Variants in XXYLT1 observed in about 807,000 individuals in gnomAD.
The protein encoded by XXYLT1 is xyloside xylosyltransferase 1.
A neutral mutation model predicts 28.9 loss-of-function variants in XXYLT1; 20 were observed. The observed-to-expected ratio is 0.69, with a 90% CI of 0.49 to 1.00. The LOEUF is 1.00. XXYLT1 is among the 50% of genes least tolerant of loss of function. The pLI, the probability that XXYLT1 is intolerant of heterozygous loss-of-function variation, is 0.00. For missense variants in XXYLT1, 542 were observed against 560.1 expected (o/e 0.97, Z 0.33); for synonymous variants, 257 against 253.8 (o/e 1.01, Z -0.12).
At chr3:195,140,497 A>G (rs1560115283) in intron 3 of XXYLT1, among the ~76,000 whole-genome samples, 1 of 152,202 alleles carries the variant, frequency 6.6e-6, no homozygotes, top group Admixed American at 6.5e-5. Flanking sequence ...GATTGGGTTG[A>G]TTTATGTAGA....
intron 3 of XXYLT1, among the ~76,000 whole-genome samples, chr3:195,126,295 C>A (rs1026182823): frequency 6.6e-5 from 10 of 152,208 alleles, no homozygotes; most frequent in African/African-American, 2.2e-4. Context: ...GTGGGGTATT[C>A]GTTACCGCAC....
At chr3:195,097,826 C>T (rs1203220651) in intron 3 of XXYLT1, among the ~76,000 whole-genome samples, 1 of 151,958 alleles carries the variant, frequency 6.6e-6, no homozygotes. Flanking sequence ...CACCCCCCCA[C>T]CACGCACACA....
rs1038832669 is a variant in XXYLT1, at chr3:195,077,225, G to C, written c.786-7114C>G. 1.2e-4 allele frequency among the ~76,000 whole-genome samples: 18 copies of C among 152,166 alleles called. No homozygotes were observed. Among genetic ancestry groups the C allele is most frequent in the Admixed American group, 6.5e-5 (1 of 15,282 alleles). ...CTGGGGAAGGGAAAAGCAGAGGGAT[G>C]GGAGATGATGTAGGGGGCGGCACGG... On this transcript the variant is annotated intron_variant, in intron 3 of 3. Transcript: ENST00000310380. The surrounding 1 kb of genome is among the most constrained non-coding windows in gnomAD (Gnocchi z 4.8).
At chr3:195,112,894 C>T (rs67525872) in intron 3 of XXYLT1, among the ~76,000 whole-genome samples, 75,062 of 151,024 alleles carry the variant, frequency 0.5, 20,014 homozygotes, top group Middle Eastern at 0.65. Context: ...CACATACACG[C>T]AGCCCCCAGC....
chr3:195,103,388 C>CACCA (rs1716908138), intron 3 of XXYLT1, among the ~76,000 whole-genome samples: 6 of 148,562 alleles, frequency 4.0e-5, no homozygotes, highest in African/African-American at 1.6e-4. Flanking sequence ...CATCACCCCA[C>CACCA]GCCAGCGGCC....
At position 195,109,739 on chromosome 3, in the gene XXYLT1, G is replaced by A. The variant is rs1326452460; in HGVS notation, c.786-39628C>T. ...ATGAGTGTGCGTGTGTGTGGTGTAT[G>A]TGTTCAGGTATGTATGTGAGTGTGG... is the stretch of plus-strand genomic sequence containing the variant. On this transcript the variant is annotated intron_variant, in intron 3 of 3. Transcript: ENST00000310380. 7.8e-5 allele frequency among the ~76,000 whole-genome samples: 5 copies of A among 64,092 alleles called. 2 individuals are homozygous for A. The highest frequency in any genetic ancestry group is 1.7e-4 in the Admixed American group (1 of 5,780). 42.0% of individuals were successfully genotyped at this position (64,092 alleles called of 152,430 possible). A position where few individuals can be genotyped will look rare whatever the true frequency, so the allele number is the denominator to read the frequency against.
At chr3:195,224,634 T>G (rs1723970611) in intron 2 of XXYLT1, among the ~76,000 whole-genome samples, 1 of 152,110 alleles carries the variant, frequency 6.6e-6, no homozygotes, top group African/African-American at 2.4e-5. Flanking sequence ...AGCCCAGAGT[T>G]GAGCACGCAA....
At chr3:195,142,053 A>G (rs1719520932) in intron 3 of XXYLT1, among the ~76,000 whole-genome samples, 1 of 152,208 alleles carries the variant, frequency 6.6e-6, no homozygotes, top group Non-Finnish European at 1.5e-5. Flanking sequence ...TGCTGACCCC[A>G]GCGGTTATTT....
intron 3 of XXYLT1, among the ~76,000 whole-genome samples, chr3:195,110,189 G>GTAGTGT (rs1717461226): frequency 1.6e-5 from 1 of 63,170 alleles, no homozygotes; most frequent in East Asian, 3.3e-4. Flanking sequence ...TGTGTGTGTG[G>GTAGTGT]GTGAGGTGTA....
intron 2 of XXYLT1, among the ~76,000 whole-genome samples, chr3:195,211,498 T>C (rs1165867303): frequency 6.6e-6 from 1 of 152,240 alleles, no homozygotes; most frequent in African/African-American, 2.4e-5. Context: ...ATTCATTTAA[T>C]TCATTTGATG....
intron 3 of XXYLT1, among the ~76,000 whole-genome samples, chr3:195,123,247 C>A (rs762989989): frequency 6.6e-6 from 1 of 151,982 alleles, no homozygotes; most frequent in Admixed American, 6.6e-5. Context: ...AGGGGCCCAC[C>A]ACCTATCCAT....
rs1001515562 is a variant in XXYLT1 at position 195,077,080 on chromosome 3, C to T, written c.786-6969G>A. 6.6e-6 allele frequency among the ~76,000 whole-genome samples: 1 copy of T among 152,144 alleles called. No homozygotes were observed. Among genetic ancestry groups the T allele is most frequent in the African/African-American group, 2.4e-5 (1 of 41,432 alleles). Reference sequence around the variant, plus strand: ...CACTGTCCAGGGACTCAGAGGACACCTGTGGGGCCCAGAACTGCCCTCAGC... The same window carrying T: ...CACTGTCCAGGGACTCAGAGGACACTTGTGGGGCCCAGAACTGCCCTCAGC... On this transcript the variant is annotated intron_variant, in intron 3 of 3. Transcript: ENST00000310380. The surrounding 1 kb of genome is among the most constrained non-coding windows in gnomAD (Gnocchi z 4.8).
intron 3 of XXYLT1, among the ~76,000 whole-genome samples, chr3:195,135,744 G>A (rs2108637689): frequency 6.6e-6 from 1 of 152,318 alleles, no homozygotes; most frequent in Non-Finnish European, 1.5e-5. Flanking sequence ...TTTACTGTGG[G>A]AAAGAGATTT....
At chr3:195,165,531 G>A (rs982146306) in intron 2 of XXYLT1, among the ~76,000 whole-genome samples, 1 of 152,160 alleles carries the variant, frequency 6.6e-6, no homozygotes, top group African/African-American at 2.4e-5. Flanking sequence ...ACAGAAAAAT[G>A]TTTCTCCACT....
At chr3:195,226,657 G>A in intron 2 of XXYLT1, 52 bp downstream of exon 2, 2 of 1,587,416 alleles carry the variant, frequency 1.3e-6, no homozygotes, top group Non-Finnish European at 1.7e-6. Context: ...CCAGGGAAAT[G>A]GATGCAAAAG....
At chr3:195,157,519 T>C (rs990857594) in intron 2 of XXYLT1, among the ~76,000 whole-genome samples, 1 of 152,186 alleles carries the variant, frequency 6.6e-6, no homozygotes, top group Non-Finnish European at 1.5e-5. Flanking sequence ...ACCTAAGAGC[T>C]GCTTCCATCA....
At chr3:195,215,008 G>A (rs922874693) in intron 2 of XXYLT1, 2 of 151,006 alleles carry the variant, frequency 1.3e-5, no homozygotes, top group African/African-American at 4.9e-5. Flanking sequence ...GAGAGTGGGG[G>A]CCAATATTCA....
intron 3 of XXYLT1, among the ~76,000 whole-genome samples, chr3:195,079,967 C>T (rs1715337573): frequency 6.6e-6 from 1 of 152,056 alleles, no homozygotes; most frequent in African/African-American, 2.4e-5. Context: ...GCATCTGATT[C>T]ACAGAAGGGC....
At chr3:195,100,201 C>T (rs1464041552) in intron 3 of XXYLT1, among the ~76,000 whole-genome samples, 1 of 152,102 alleles carries the variant, frequency 6.6e-6, no homozygotes, top group African/African-American at 2.4e-5. Flanking sequence ...CATGTCTGTC[C>T]CTCCTTTATT....
Sources: gnomAD v4.1 joint callset for allele counts (sites outside exome capture counted in the v4.1 genomes callset) on GRCh38, gnomAD v4.1.1 for gene constraint, Gnocchi (gnomAD v3.1) non-coding constraint, MANE v1.5 for transcripts, NCBI Gene and HGNC (gene_info 2026-07-23, HGNC 2026-07-21) for gene names.